Variants in ZNF469 observed in about 807,000 individuals in gnomAD.
The protein encoded by ZNF469 is zinc finger protein 469.
Under a neutral mutation model 1.0 loss-of-function variants are expected in ZNF469, and 1 was observed. That is an observed-to-expected ratio of 1.00 (90% CI 0.35 to 4.73). The LOEUF (loss-of-function observed/expected upper bound fraction) is 4.73, where lower values mean the gene tolerates loss of function less well. ZNF469 is among the 30% of genes most tolerant of loss of function. ZNF469 has a pLI of 0.16. For missense variants in ZNF469, 6,100 were observed against 5,356.3 expected (o/e 1.14, Z -4.33); for synonymous variants, 2,703 against 2,363.4 (o/e 1.14, Z -4.17).
chr16:88,229,885 G>C, the ZNF469 span, among the ~76,000 whole-genome samples: 34 of 152,298 alleles, frequency 2.2e-4, 1 homozygote, highest in South Asian at 6.8e-3. Context: ...CAGCAGGGCC[G>C]GTGGCTCTCC....
the ZNF469 span, among the ~76,000 whole-genome samples, chr16:88,210,313 A>G: frequency 2.6e-5 from 4 of 151,912 alleles, no homozygotes; most frequent in South Asian, 2.1e-4. Context: ...GATGTATGTT[A>G]TAAATATTTC....
At chr16:88,373,347 G>A in the ZNF469 span, among the ~76,000 whole-genome samples, 1,820 of 152,326 alleles carry the variant, frequency 0.012, 23 homozygotes, top group Non-Finnish European at 0.016. Flanking sequence ...TTTGGTGGGG[G>A]AGTGGAATGA....
At chr16:88,257,155 G>C in the ZNF469 span, among the ~76,000 whole-genome samples, 12,875 of 146,782 alleles carry the variant, frequency 0.088, 691 homozygotes, top group East Asian at 0.21. Flanking sequence ...GTAGAGAAAG[G>C]GTTTTGCCAT....
the ZNF469 span, among the ~76,000 whole-genome samples, chr16:88,255,769 T>C: frequency 6.6e-6 from 1 of 152,222 alleles, no homozygotes; most frequent in Non-Finnish European, 1.5e-5. Context: ...ACTAAGAGTA[T>C]GGAAGGGTTC....
chr16:88,142,938 GCC>G, the ZNF469 span, among the ~76,000 whole-genome samples: 1 of 152,166 alleles, frequency 6.6e-6, no homozygotes, highest in Non-Finnish European at 1.5e-5. Flanking sequence ...CTCAGGGAGA[GCC>G]CCTGCGGCAG....
At chr16:88,165,910 GCC>G in the ZNF469 span, among the ~76,000 whole-genome samples, 6 of 152,318 alleles carry the variant, frequency 3.9e-5, no homozygotes, top group Middle Eastern at 6.8e-3. Context: ...TCAGCACAAA[GCC>G]CCCGAGACTC....
intron 1 of ZNF469, among the ~76,000 whole-genome samples, chr16:88,404,626 G>A (rs181733392): frequency 6.6e-6 from 1 of 152,312 alleles, no homozygotes; most frequent in East Asian, 1.9e-4. Flanking sequence ...GATTGCCCAC[G>A]GACGTGCTGC....
the ZNF469 span, among the ~76,000 whole-genome samples, chr16:88,269,686 G>C: frequency 3.9e-5 from 6 of 151,954 alleles, no homozygotes; most frequent in African/African-American, 1.4e-4. Flanking sequence ...CCTGCTGGTT[G>C]GTATCCTGCT....
At chr16:88,240,899 G>C in the ZNF469 span, among the ~76,000 whole-genome samples, 3 of 152,130 alleles carry the variant, frequency 2.0e-5, no homozygotes, top group Non-Finnish European at 4.4e-5. Context: ...CCCTCTCTCA[G>C]TGGGGGTAAG....
At chr16:88,425,834 G>A (rs1221776485) in intron 2 of ZNF469, among the ~76,000 whole-genome samples, 2 of 152,004 alleles carry the variant, frequency 1.3e-5, no homozygotes, top group Admixed American at 6.5e-5. Context: ...AGGAGGAAGG[G>A]GCACCCGGGC....
the ZNF469 span, among the ~76,000 whole-genome samples, chr16:88,310,583 T>G: frequency 9.2e-5 from 14 of 151,978 alleles, no homozygotes; most frequent in Non-Finnish European, 1.5e-4. Context: ...TTTTATTAAT[T>G]TTATTTATTT....
At position 88,424,897 on chromosome 16, in the gene ZNF469, G is replaced by C. The variant is rs1016496289; in HGVS notation, c.-127+26G>C. Among the ~76,000 whole-genome samples, 1 of 152,146 alleles carries C rather than the reference G, an allele frequency of 6.6e-6. No homozygotes were observed. The highest frequency in any genetic ancestry group is 1.9e-4 in the East Asian group (1 of 5,186). ...GTATGTACAGGCAGCAGCCTGCACC[G>C]AGGCTGGCCACAGATGCTCTGGTCT... On this transcript the variant is annotated intron_variant, in intron 2 of 2. Transcript: ENST00000565624. The surrounding 1 kb of genome is among the most constrained non-coding windows in gnomAD (Gnocchi z 4.3).
At chr16:88,220,782 G>A in the ZNF469 span, among the ~76,000 whole-genome samples, 2 of 152,150 alleles carry the variant, frequency 1.3e-5, no homozygotes, top group Non-Finnish European at 2.9e-5. Context: ...TGCAGCCATG[G>A]GGCCCCTACA....
chr16:88,234,170 C>T, the ZNF469 span, among the ~76,000 whole-genome samples: 41 of 152,320 alleles, frequency 2.7e-4, 1 homozygote, highest in East Asian at 6.9e-3. Context: ...TGGTTGTGAA[C>T]GTAGCACCAA....
the ZNF469 span, among the ~76,000 whole-genome samples, chr16:88,250,864 G>A: frequency 8.6e-5 from 13 of 151,988 alleles, no homozygotes; most frequent in African/African-American, 3.1e-4. Context: ...CTACCTGTTC[G>A]GGGTTTTTCC....
chr16:88,285,224 C>T, the ZNF469 span, among the ~76,000 whole-genome samples: 2 of 152,262 alleles, frequency 1.3e-5, no homozygotes, highest in African/African-American at 4.8e-5. Flanking sequence ...CTGTGGTAGG[C>T]AGGCAGCATC....
At chr16:88,230,845 T>G in the ZNF469 span, among the ~76,000 whole-genome samples, 2 of 152,272 alleles carry the variant, frequency 1.3e-5, no homozygotes, top group South Asian at 4.1e-4. Flanking sequence ...CCGTGGCCTC[T>G]CCTGTGGACA....
At chr16:88,113,749 G>A in the ZNF469 span, among the ~76,000 whole-genome samples, 1 of 124,000 alleles carries the variant, frequency 8.1e-6, no homozygotes, top group African/African-American at 2.6e-5. Context: ...TGAGGCGTGC[G>A]TCCCTTCTTC....
In ZNF469 at chr16:88,424,842, G is replaced by A. The variant is rs969575813; in HGVS notation, c.-156G>A. Among the ~76,000 whole-genome samples, 24 of 152,268 alleles carry A rather than the reference G, an allele frequency of 1.6e-4. No homozygotes were observed. Among genetic ancestry groups the A allele is most frequent in the African/African-American group, 5.1e-4 (21 of 41,546 alleles). ...CTCATTCCTCAGGAAGTTGTGCGGC[G>A]ACCCAGCTGAGGGGCCCCCGACTCC... On this transcript the variant is annotated 5_prime_UTR_variant, in exon 2 of 3. Coordinates refer to ENST00000565624, the MANE Select transcript of ZNF469 (RefSeq NM_001367624.2). The surrounding 1 kb of genome is among the most constrained non-coding windows in gnomAD (Gnocchi z 4.3).
Sources: allele counts gnomAD v4.1 joint callset (sites outside exome capture counted in the v4.1 genomes callset), GRCh38; gene constraint gnomAD v4.1.1; non-coding constraint Gnocchi (gnomAD v3.1); transcripts MANE v1.5; gene names NCBI Gene and HGNC (gene_info 2026-07-23, HGNC 2026-07-21).